The following PHTF1 variants were observed in gnomAD, a reference collection of about 807,000 sequenced individuals.
The protein encoded by PHTF1 is protein PHTF1.
A neutral mutation model predicts 102.4 loss-of-function variants in PHTF1; 88 were observed. The ratio of observed to expected loss-of-function variants is 0.86; its 90% CI spans 0.72 to 1.03. PHTF1 has a LOEUF of 1.03. Ranked by LOEUF, PHTF1 falls within the 50% of genes least tolerant of loss-of-function variation. PHTF1 has a pLI of 0.00. For synonymous variants in PHTF1, 289 were observed against 305.2 expected, an observed-to-expected ratio of 0.95 and a Z score of 0.55; for missense variants, 814 against 909.5, an observed-to-expected ratio of 0.89 and a Z score of 1.35.
At chr1:113,752,542 C>T (rs1303829810) in intron 3 of PHTF1, among the ~76,000 whole-genome samples, 1 of 45,362 alleles carries the variant, frequency 2.2e-5, no homozygotes. Flanking sequence ...CCTGCAACCA[C>T]GCCTGGCTAA....
chr1:113,754,675 A>T (rs1191514869), intron 3 of PHTF1, among the ~76,000 whole-genome samples: 1 of 152,138 alleles, frequency 6.6e-6, no homozygotes, highest in African/African-American at 2.4e-5. Context: ...TGAGAATAAT[A>T]AGTACTACTC....
At chr1:113,738,321 A>G in intron 4 of PHTF1, 53 bp from the exon 5 acceptor site, 3 of 1,390,216 alleles carry the variant, frequency 2.2e-6, no homozygotes, top group South Asian at 1.2e-5. Flanking sequence ...ACTGTATTGA[A>G]GGCCACCTGT....
At position 113,706,111 on chromosome 1, in the gene PHTF1, T is replaced by C; in HGVS notation, c.1450A>G (p.Thr484Ala). The C allele has an allele frequency of 1.2e-6, 2 of 1,613,786 alleles. No individual in the cohort carries two copies. The highest frequency in any genetic ancestry group is 1.7e-6 in the Non-Finnish European group (2 of 1,179,776). The change falls in exon 13 of 19, where the codon ACT becomes GCT. Residue 484 changes from threonine to alanine, a missense_variant. Physicochemically the swap from Thr to Ala is moderately conservative, Grantham distance 58. Transcript: ENST00000369604. ...VGYQMLGNVV[T>A]IGLAFFPFLH... ...AATGGAAAAAATGCTAATCCAATAG[T>C]GACAACATTTCCCAGCATCTGATAA... is the stretch of plus-strand genomic sequence containing the variant.
chr1:113,735,114 C>G (rs1655266257), intron 5 of PHTF1, among the ~76,000 whole-genome samples: 1 of 151,754 alleles, frequency 6.6e-6, no homozygotes, highest in East Asian at 1.9e-4. Context: ...ACCTGTAATC[C>G]CAGAACTCTG....
At position 113,704,707 on chromosome 1, in the gene PHTF1, C is replaced by T. The variant is rs775075996; in HGVS notation, c.1762G>A (p.Glu588Lys). 3 of 1,591,140 alleles carry T rather than the reference C, an allele frequency of 1.9e-6. No individual in the cohort carries two copies. Among genetic ancestry groups the T allele is most frequent in the East Asian group, 2.2e-5 (1 of 44,740 alleles). ...EIPHFRLKKVENIKIWLSLRS... is the reference protein window; with the variant it reads ...EIPHFRLKKVKNIKIWLSLRS... ...AGTGATAACCATATTTTAATATTCTCCACCTTCTTAAGTCTGAAATGAGGT... is the reference window on the plus strand; with the variant it reads ...AGTGATAACCATATTTTAATATTCTTCACCTTCTTAAGTCTGAAATGAGGT... The change falls in exon 14 of 19, where the codon GAG becomes AAG. Residue 588 changes from glutamate to lysine, a missense_variant. Physicochemically the swap from Glu to Lys is moderately conservative, Grantham distance 56. Coordinates refer to ENST00000369604, the MANE Select transcript of PHTF1 (RefSeq NM_001323043.2).
At position 113,720,834 on chromosome 1, in the gene PHTF1, G is replaced by A. The variant is rs558738659; in HGVS notation, c.623+3925C>T. Among the ~76,000 whole-genome samples, 48 of 152,286 alleles carry A rather than the reference G, an allele frequency of 3.2e-4. 1 individual carries two copies. The highest frequency in any genetic ancestry group is 2.4e-3 in the Admixed American group (36 of 15,296). ...AGGTTCACCATGAGTGCCCTGCCCC[G>A]GCAGCAAACATCTGCCTGGACATCC... is the stretch of plus-strand genomic sequence containing the variant. On this transcript the variant is annotated intron_variant, in intron 7 of 18. Transcript: ENST00000369604.
intron 3 of PHTF1, among the ~76,000 whole-genome samples, chr1:113,751,185 A>AT (rs1658022572): frequency 6.6e-6 from 1 of 152,162 alleles, no homozygotes. Context: ...CTATATTATG[A>AT]TTTTTCCTAC....
intron 5 of PHTF1, among the ~76,000 whole-genome samples, chr1:113,736,503 G>A (rs982709680): frequency 6.6e-6 from 1 of 152,032 alleles, no homozygotes; most frequent in East Asian, 1.9e-4. Flanking sequence ...CCAGCACTTT[G>A]GGAGGCTGAG....
intron 3 of PHTF1, among the ~76,000 whole-genome samples, chr1:113,742,011 C>T (rs542854725): frequency 3.2e-4 from 48 of 152,266 alleles, no homozygotes; most frequent in African/African-American, 1.1e-3. Flanking sequence ...CTTTATCTTC[C>T]ACCGTGCATG....
chr1:113,713,096 T>A (rs1445219500), intron 8 of PHTF1, among the ~76,000 whole-genome samples, 183 bp downstream of exon 8: 1 of 152,198 alleles, frequency 6.6e-6, no homozygotes, highest in Non-Finnish European at 1.5e-5. Context: ...ACAAGTCCAG[T>A]ACTATAAATT....
chr1:113,755,117 T>A (rs1658653248), intron 3 of PHTF1, among the ~76,000 whole-genome samples: 1 of 152,028 alleles, frequency 6.6e-6, no homozygotes, highest in Non-Finnish European at 1.5e-5. Context: ...TTAAATTATA[T>A]AACAGTACTG....
At chr1:113,701,032 A>G in intron 15 of PHTF1, 83 bp from the exon 16 acceptor site, 2 of 1,042,620 alleles carry the variant, frequency 1.9e-6, no homozygotes, top group Non-Finnish European at 2.9e-6. Context: ...CAATTTAAGA[A>G]CATTTCCAAA....
rs537856368 is a variant in PHTF1 at position 113,754,725 on chromosome 1, T to C, written c.102+2974A>G. Among the ~76,000 whole-genome samples, 6 of 152,320 alleles carry C rather than the reference T, an allele frequency of 3.9e-5. No homozygotes were observed. In the South Asian group the frequency reaches 1.2e-3, roughly 32 times the overall value. On this transcript the variant is annotated intron_variant, in intron 3 of 18. Transcript: ENST00000369604. ...AGATTTTATTATAATGTCTATATTT[T>C]TATTTCTATCTTTCAAAAACACAGA... is the stretch of plus-strand genomic sequence containing the variant.
In PHTF1 at chr1:113,759,004, G is replaced by C; in HGVS notation, c.-31+19C>G. On this transcript the variant is annotated intron_variant, in intron 1 of 18. Coordinates refer to ENST00000369604, the MANE Select transcript of PHTF1 (RefSeq NM_001323043.2). The stretch of plus-strand genomic sequence containing the variant: ...CGCCCGGCACCCGCCTCCTTCGCTC[G>C]CCCGCGTCCGGCTCTCACCTAGTGC... 9.5e-7 allele frequency: 1 copy of C among 1,052,188 alleles called. No homozygotes were observed. The highest frequency in any genetic ancestry group is 1.1e-6 in the Non-Finnish European group (1 of 874,316). 65.2% of individuals were successfully genotyped at this position (1,052,188 alleles called of 1,614,324 possible).
At chr1:113,731,449 G>A (rs548066344) in intron 5 of PHTF1, among the ~76,000 whole-genome samples, 2 of 152,102 alleles carry the variant, frequency 1.3e-5, no homozygotes, top group South Asian at 2.1e-4. Flanking sequence ...TGAGGCAGGA[G>A]GATTGCCTGG....
At chr1:113,757,099 G>A (rs1167723655) in intron 3 of PHTF1, among the ~76,000 whole-genome samples, 1 of 152,106 alleles carries the variant, frequency 6.6e-6, no homozygotes, top group Non-Finnish European at 1.5e-5. Flanking sequence ...CCCAGGAGGC[G>A]GAGCTTGCAG....
chr1:113,715,682 C>T lies in PHTF1; in HGVS notation c.624-2244G>A, dbSNP rs541406431. On this transcript the variant is annotated intron_variant, in intron 7 of 18. Coordinates refer to ENST00000369604, the MANE Select transcript of PHTF1 (RefSeq NM_001323043.2). ...AAAAAAAAAAAAAAAAAAAAAAAAG[C>T]TATTTTGAGGAAACTCAAACAAATT... is the stretch of plus-strand genomic sequence containing the variant. Among the ~76,000 whole-genome samples the T allele has an allele frequency of 5.2e-4, 28 of 54,228 alleles. 1 individual carries two copies. Among genetic ancestry groups the T allele is most frequent in the African/African-American group, 1.5e-3 (28 of 18,280 alleles). The allele number at this position is 54,228 out of a possible 152,430, so 35.6% of individuals were successfully genotyped here.
At chr1:113,724,126 G>T (rs1357660707) in intron 7 of PHTF1, among the ~76,000 whole-genome samples, 1 of 152,146 alleles carries the variant, frequency 6.6e-6, no homozygotes, top group Non-Finnish European at 1.5e-5. Context: ...AACAAATGCT[G>T]GAGAGGATAT....
At chr1:113,751,415 G>A (rs1253101620) in intron 3 of PHTF1, among the ~76,000 whole-genome samples, 1 of 151,990 alleles carries the variant, frequency 6.6e-6, no homozygotes, top group Non-Finnish European at 1.5e-5. Flanking sequence ...CAATCCATAG[G>A]CAACTTTTGA....
Sources: allele counts gnomAD v4.1 joint callset (sites outside exome capture counted in the v4.1 genomes callset), GRCh38; gene constraint gnomAD v4.1.1; transcripts MANE v1.5; gene names NCBI Gene and HGNC (gene_info 2026-07-23, HGNC 2026-07-21).